The following DIP2C variants were observed in gnomAD, a reference collection of about 807,000 sequenced individuals.
DIP2C encodes the protein DIP2 acetate--CoA ligase C (putative).
In DIP2C, 33 loss-of-function variants were observed where a neutral mutation model predicts 192.4. The observed-to-expected ratio is 0.17, with a 90% CI of 0.13 to 0.23. DIP2C has a LOEUF of 0.23. Among genes scored for constraint, DIP2C ranks in the 10% least tolerant of loss-of-function variants. The pLI, the probability that DIP2C is intolerant of heterozygous loss-of-function variation, is 1.00. For synonymous variants in DIP2C, 979 were observed against 864.1 expected (o/e 1.13, Z -2.33); for missense variants, 1,537 against 2,110.1 (o/e 0.73, Z 5.32).
intron 34 of DIP2C, among the ~76,000 whole-genome samples, chr10:285,045 T>C (rs1955024817): frequency 1.3e-5 from 2 of 151,946 alleles, no homozygotes; most frequent in South Asian, 4.1e-4. Flanking sequence ...TCCAGCTTTG[T>C]TTCTAGGAAC....
At chr10:575,082 G>A (rs986374748) in intron 1 of DIP2C, among the ~76,000 whole-genome samples, 4 of 151,092 alleles carry the variant, frequency 2.6e-5, no homozygotes, top group Non-Finnish European at 2.9e-5. Context: ...AAGGAAAATA[G>A]ACAGAAGGAA....
chr10:622,362 G>C (rs1361459535), intron 1 of DIP2C, among the ~76,000 whole-genome samples: 1 of 78,298 alleles, frequency 1.3e-5, no homozygotes, highest in Non-Finnish European at 2.6e-5. Flanking sequence ...GGGAGGGAGG[G>C]AGGGGGAGAG....
chr10:418,526 A>C (rs1965958632), intron 6 of DIP2C, among the ~76,000 whole-genome samples: 1 of 152,228 alleles, frequency 6.6e-6, no homozygotes, highest in South Asian at 2.1e-4. Context: ...CAGCCGCTGT[A>C]GTCAGAATAT....
chr10:310,897 C>A (rs1461903019), intron 31 of DIP2C, among the ~76,000 whole-genome samples: 2 of 152,028 alleles, frequency 1.3e-5, no homozygotes, highest in African/African-American at 4.8e-5. Context: ...ACTAAACCTA[C>A]AATAAATTTG....
In DIP2C at chr10:348,671, C is replaced by T. The variant is rs374564046; in HGVS notation, c.3201G>A (p.Thr1067=). The part of the protein sequence containing the change: ...VRPPHPQNIA[T]TLPTVKMIVE... The stretch of plus-strand genomic sequence containing the variant: ...CAATCATCTTGACGGTAGGCAACGT[C>T]GTCGCGATGTTCTGTGGGTGCGGGG... The change falls in exon 26 of 37, where the codon ACG becomes ACA. Residue 1067 remains threonine, a synonymous_variant. Coordinates refer to ENST00000280886, the MANE Select transcript of DIP2C (RefSeq NM_014974.3). 1.6e-5 allele frequency: 26 copies of T among 1,613,548 alleles called. No individual in the cohort carries two copies. The highest frequency in any genetic ancestry group is 3.3e-5 in the South Asian group (3 of 91,016).
intron 30 of DIP2C, 91 bp from the exon 31 acceptor site, chr10:327,267 A>G (rs888665519): frequency 1.4e-6 from 2 of 1,438,402 alleles, no homozygotes; most frequent in African/African-American, 1.4e-5. Flanking sequence ...CCACGTAAAC[A>G]TTGGAAAACT....
intron 31 of DIP2C, among the ~76,000 whole-genome samples, chr10:319,302 G>A (rs2132380063): frequency 6.6e-6 from 1 of 152,292 alleles, no homozygotes. Flanking sequence ...AAGGGTCACT[G>A]CAATAGTTAC....
At chr10:312,214 TCTC>T (rs768669750) in intron 31 of DIP2C, among the ~76,000 whole-genome samples, 14 of 152,134 alleles carry the variant, frequency 9.2e-5, no homozygotes, top group Non-Finnish European at 2.1e-4. Flanking sequence ...TCTGTTTTCT[TCTC>T]CTCCTCGTCA....
At chr10:633,604 G>C (rs1854659298) in intron 1 of DIP2C, among the ~76,000 whole-genome samples, 1 of 152,208 alleles carries the variant, frequency 6.6e-6, no homozygotes, top group African/African-American at 2.4e-5. Context: ...GCACCTCCAG[G>C]AACAAACCAC....
rs1310547524 is a variant in DIP2C, at chr10:587,240, G to A, written c.86-100710C>T. Among the ~76,000 whole-genome samples the A allele has an allele frequency of 2.0e-5, 3 of 152,124 alleles. No homozygotes were observed. In the East Asian group the frequency reaches 5.8e-4, roughly 29 times the overall value. ...GGGTCCCTGCTGACAGCGTGGCGAG[G>A]GGCAAACAGTGCAGGGTCTAAGGCT... On this transcript the variant is annotated intron_variant, in intron 1 of 36. Transcript: ENST00000280886.
At chr10:594,116 G>A (rs1325260835) in intron 1 of DIP2C, among the ~76,000 whole-genome samples, 1 of 152,204 alleles carries the variant, frequency 6.6e-6, no homozygotes, top group African/African-American at 2.4e-5. Context: ...TGACAGAGGG[G>A]CCGACGGTGC....
At chr10:283,207 G>A (rs1302782003) in intron 35 of DIP2C, 65 bp downstream of exon 35, 2 of 1,558,146 alleles carry the variant, frequency 1.3e-6, no homozygotes, top group Admixed American at 1.9e-5. Flanking sequence ...AAAGGCTTCT[G>A]TATCTACAGG....
chr10:303,769 C>T (rs1189210009), intron 32 of DIP2C, among the ~76,000 whole-genome samples: 3 of 152,092 alleles, frequency 2.0e-5, no homozygotes, highest in South Asian at 2.1e-4. Context: ...GTGATCTGCC[C>T]GCCTCAGCCT....
chr10:367,387 A>G (rs1472334567), intron 18 of DIP2C, among the ~76,000 whole-genome samples: 1 of 151,734 alleles, frequency 6.6e-6, no homozygotes, highest in Admixed American at 6.6e-5. Context: ...ACTGCACTCC[A>G]GCCTGGGCGA....
intron 22 of DIP2C, among the ~76,000 whole-genome samples, chr10:359,762 T>C (rs745923662): frequency 6.6e-6 from 1 of 152,206 alleles, no homozygotes; most frequent in Non-Finnish European, 1.5e-5. Flanking sequence ...CTCTACCAGA[T>C]AGAAGCGTCT....
intron 1 of DIP2C, among the ~76,000 whole-genome samples, chr10:589,777 T>C (rs1464990295): frequency 6.6e-6 from 1 of 152,216 alleles, no homozygotes; most frequent in African/African-American, 2.4e-5. Flanking sequence ...GGCACTGCCC[T>C]ATGCAGAGGT....
At chr10:305,906 CA>C (rs1243167215) in intron 32 of DIP2C, among the ~76,000 whole-genome samples, 1 of 151,670 alleles carries the variant, frequency 6.6e-6, no homozygotes, top group Non-Finnish European at 1.5e-5. Flanking sequence ...CTTGGCCTCC[CA>C]AAGCACTGGG....
At chr10:644,150 C>A (rs1855337661) in intron 1 of DIP2C, among the ~76,000 whole-genome samples, 1 of 152,252 alleles carries the variant, frequency 6.6e-6, no homozygotes, top group Admixed American at 6.5e-5. Context: ...TACACATCAG[C>A]TTGCCAAGGC....
At chr10:354,974 G>A (rs866045640) in intron 24 of DIP2C, among the ~76,000 whole-genome samples, 4 of 151,870 alleles carry the variant, frequency 2.6e-5, no homozygotes, top group African/African-American at 4.8e-5. Flanking sequence ...CCTGGCGATC[G>A]GGTTAGCAAA....
Sources: allele counts gnomAD v4.1 joint callset (sites outside exome capture counted in the v4.1 genomes callset), GRCh38; gene constraint gnomAD v4.1.1; transcripts MANE v1.5; gene names NCBI Gene and HGNC (gene_info 2026-07-23, HGNC 2026-07-21).